Variants in SOX6 observed in about 807,000 individuals in gnomAD.
SOX6 encodes the protein transcription factor SOX-6.
SOX6 carries 11 observed loss-of-function variants against 97.8 expected under a neutral mutation model. The ratio of observed to expected loss-of-function variants is 0.11; its 90% confidence interval spans 0.07 to 0.19. SOX6 has a LOEUF of 0.19. Ranked by LOEUF, SOX6 falls within the 10% of genes least tolerant of loss-of-function variation. SOX6 has a pLI of 1.00. For synonymous variants in SOX6, 360 were observed against 371.4 expected (o/e 0.97, Z 0.35); for missense variants, 810 against 1,039.5 (o/e 0.78, Z 3.04).
intron 3 of SOX6, among the ~76,000 whole-genome samples, chr11:16,650,297 G>C (rs909602612): frequency 6.6e-6 from 1 of 152,062 alleles, no homozygotes; most frequent in Admixed American, 6.6e-5. Flanking sequence ...GATATTTACA[G>C]AACATTCAAT....
intron 1 of SOX6, among the ~76,000 whole-genome samples, chr11:16,367,522 A>G (rs1857389297): frequency 6.6e-6 from 1 of 152,216 alleles, no homozygotes; most frequent in African/African-American, 2.4e-5. Context: ...CTCCCAAAGT[A>G]CAGATAGTAC....
At chr11:16,584,692 C>T (rs899481887) in intron 4 of SOX6, among the ~76,000 whole-genome samples, 1 of 152,156 alleles carries the variant, frequency 6.6e-6, no homozygotes, top group Non-Finnish European at 1.5e-5. Flanking sequence ...AATTCCTGGC[C>T]ATGCTGGGCT....
intron 4 of SOX6, among the ~76,000 whole-genome samples, chr11:16,572,047 G>A (rs893280570): frequency 3.3e-5 from 5 of 152,056 alleles, no homozygotes; most frequent in Non-Finnish European, 5.9e-5. Flanking sequence ...TCAAACGCAC[G>A]AATACCTATA....
chr11:16,565,878 T>C (rs1033986274), intron 4 of SOX6, among the ~76,000 whole-genome samples: 7 of 151,876 alleles, frequency 4.6e-5, no homozygotes, highest in Admixed American at 2.0e-4. Flanking sequence ...GGGCAGATCA[T>C]GAGGTCAGGA....
At chr11:16,292,712 G>T (rs548119894) in intron 3 of SOX6, among the ~76,000 whole-genome samples, 1 of 152,280 alleles carries the variant, frequency 6.6e-6, no homozygotes, top group African/African-American at 2.4e-5. Context: ...CAGCTGGAAA[G>T]TGCCACTGTG....
intron 1 of SOX6, among the ~76,000 whole-genome samples, chr11:16,385,598 T>C (rs899143830): frequency 3.3e-5 from 5 of 152,118 alleles, no homozygotes; most frequent in African/African-American, 1.2e-4. Flanking sequence ...TTCTTTATTA[T>C]TATGTTGGGA....
At chr11:16,080,580 A>C (rs886578775) in intron 9 of SOX6, among the ~76,000 whole-genome samples, 18 of 152,348 alleles carry the variant, frequency 1.2e-4, no homozygotes, top group Admixed American at 9.1e-4. Flanking sequence ...ATCACTCTAA[A>C]GATCTTATTC....
chr11:16,501,130 G>C (rs1342588854), intron 4 of SOX6, among the ~76,000 whole-genome samples: 6 of 152,138 alleles, frequency 3.9e-5, no homozygotes, highest in Non-Finnish European at 2.9e-5. Context: ...CAATGGAACA[G>C]AACAGAGCTC....
At chr11:16,013,357 C>T (rs989933702) in intron 13 of SOX6, among the ~76,000 whole-genome samples, 6 of 152,020 alleles carry the variant, frequency 3.9e-5, no homozygotes, top group Non-Finnish European at 2.9e-5. Flanking sequence ...AACACTTCCA[C>T]ACAGGCTTTT....
intron 1 of SOX6, among the ~76,000 whole-genome samples, chr11:16,414,413 A>T (rs950127363): frequency 2.0e-5 from 3 of 152,216 alleles, no homozygotes; most frequent in Non-Finnish European, 4.4e-5. Flanking sequence ...AGCAATGCAA[A>T]TTTGGTAAAT....
chr11:16,004,759 T>A (rs1339796121), intron 13 of SOX6, among the ~76,000 whole-genome samples: 2 of 152,104 alleles, frequency 1.3e-5, no homozygotes, highest in African/African-American at 2.4e-5. Flanking sequence ...TTTAGTCAGC[T>A]CATCTTGGAG....
At chr11:16,560,745 A>G (rs952105866) in intron 4 of SOX6, among the ~76,000 whole-genome samples, 2 of 152,218 alleles carry the variant, frequency 1.3e-5, no homozygotes, top group Admixed American at 6.5e-5. Flanking sequence ...ATCTGAGGAA[A>G]CAATCTACCT....
intron 6 of SOX6, among the ~76,000 whole-genome samples, chr11:16,126,510 T>C (rs1029615090): frequency 6.6e-6 from 1 of 152,106 alleles, no homozygotes; most frequent in African/African-American, 2.4e-5. Context: ...GCTCAGGAAA[T>C]GCCTGTTTTA....
chr11:16,638,739 A>T (rs182248745), intron 3 of SOX6, among the ~76,000 whole-genome samples: 1 of 152,128 alleles, frequency 6.6e-6, no homozygotes, highest in Admixed American at 6.5e-5. Context: ...GTCTGTTCAT[A>T]TCTTTCACCC....
intron 3 of SOX6, among the ~76,000 whole-genome samples, chr11:16,262,814 A>G (rs1853942879): frequency 6.6e-6 from 1 of 152,036 alleles, no homozygotes; most frequent in African/African-American, 2.4e-5. Flanking sequence ...TGCAGAGAAG[A>G]ATTCTTAGGT....
At chr11:16,432,083 A>G (rs1859282217) in intron 1 of SOX6, among the ~76,000 whole-genome samples, 1 of 152,066 alleles carries the variant, frequency 6.6e-6, no homozygotes, top group Non-Finnish European at 1.5e-5. Flanking sequence ...TACATATTCA[A>G]CTGGCATTCA....
chr11:16,136,578 G>C (rs369027670), intron 6 of SOX6, among the ~76,000 whole-genome samples: 1 of 151,830 alleles, frequency 6.6e-6, no homozygotes, highest in East Asian at 1.9e-4. Context: ...TTTTTGTAGA[G>C]ATATGGTCAC....
chr11:16,116,724 T>C (rs1286342523), intron 6 of SOX6, among the ~76,000 whole-genome samples: 1 of 152,280 alleles, frequency 6.6e-6, no homozygotes, highest in Non-Finnish European at 1.5e-5. Flanking sequence ...CAGTACCAGG[T>C]TGTGGCCTGT....
At chr11:16,549,842 A>G (rs1847662864) in intron 4 of SOX6, among the ~76,000 whole-genome samples, 1 of 152,180 alleles carries the variant, frequency 6.6e-6, no homozygotes, top group African/African-American at 2.4e-5. Flanking sequence ...GCCAGACACA[A>G]AGGGCTATGT....
Sources: gnomAD v4.1 joint callset for allele counts (sites outside exome capture counted in the v4.1 genomes callset) on GRCh38, gnomAD v4.1.1 for gene constraint, MANE v1.5 for transcripts, NCBI Gene and HGNC (gene_info 2026-07-23, HGNC 2026-07-21) for gene names.